GMDS: variants seen among roughly 807,000 people sequenced by gnomAD.
The protein encoded by GMDS is GDP-mannose 4,6-dehydratase.
GMDS carries 20 observed loss-of-function variants against 49.9 expected under a neutral mutation model. The ratio of observed to expected loss-of-function variants is 0.40; its 90% confidence interval spans 0.28 to 0.58. GMDS has a LOEUF of 0.58. Among genes scored for constraint, GMDS ranks in the 20% least tolerant of loss-of-function variants. The probability of loss-of-function intolerance (pLI) is 0.42; values close to 1 mark genes in which losing one functional copy is unlikely to be tolerated. For synonymous variants in GMDS, 177 were observed against 178.6 expected (o/e 0.99, Z 0.07); for missense variants, 362 against 481.4 (o/e 0.75, Z 2.32).
chr6:1,718,894 GTA>G (rs1766268641), intron 9 of GMDS, among the ~76,000 whole-genome samples: 1 of 151,832 alleles, frequency 6.6e-6, no homozygotes, highest in South Asian at 2.1e-4. Context: ...AAATATTCCT[GTA>G]ATAAATCCTA....
intron 8 of GMDS, among the ~76,000 whole-genome samples, chr6:1,737,500 AACACACAC>A (rs139626089): frequency 9.4e-4 from 140 of 148,264 alleles, no homozygotes; most frequent in South Asian, 2.4e-3. Context: ...CACACACACA[AACACACAC>A]ACACACACAC....
At chr6:1,919,388 T>C (rs1349014894) in intron 7 of GMDS, among the ~76,000 whole-genome samples, 1 of 152,258 alleles carries the variant, frequency 6.6e-6, no homozygotes, top group Non-Finnish European at 1.5e-5. Flanking sequence ...TTCATCCCTT[T>C]CTTTGAGAAC....
chr6:1,733,159 C>T (rs1180084114), intron 8 of GMDS, among the ~76,000 whole-genome samples: 1 of 152,228 alleles, frequency 6.6e-6, no homozygotes, highest in Non-Finnish European at 1.5e-5. Flanking sequence ...CCTGCACCAC[C>T]ACAGAAGCCA....
At chr6:1,846,074 A>ATGTTTCT (rs1757395058) in intron 7 of GMDS, among the ~76,000 whole-genome samples, 2 of 144,516 alleles carry the variant, frequency 1.4e-5, no homozygotes, top group African/African-American at 5.2e-5. Context: ...GCCAGACACC[A>ATGTTTCT]TGTTTCTTTT....
intron 4 of GMDS, among the ~76,000 whole-genome samples, chr6:2,080,648 G>A (rs998900182): frequency 9.2e-5 from 14 of 152,132 alleles, no homozygotes; most frequent in South Asian, 4.1e-4. Flanking sequence ...CTGTGGTAAC[G>A]TTTTGCTAGG....
At chr6:1,637,438 T>G (rs1763193790) in intron 9 of GMDS, among the ~76,000 whole-genome samples, 1 of 152,232 alleles carries the variant, frequency 6.6e-6, no homozygotes, top group Non-Finnish European at 1.5e-5. Flanking sequence ...CTCTCCCCCG[T>G]GAAGGCACGG....
rs569156951 is a variant in GMDS, at chr6:1,912,130, C to A, written c.771+17973G>T. On this transcript the variant is annotated intron_variant, in intron 7 of 10. Transcript: ENST00000380815. ...TCTCCAATCCCAGCACTTTGGGAGG[C>A]TGAGGCGGGTGGATCACCTGAGGTC... is the stretch of plus-strand genomic sequence containing the variant. 5.3e-5 allele frequency among the ~76,000 whole-genome samples: 8 copies of A among 152,264 alleles called. No homozygotes were observed. The South Asian group carries it at 1.7e-3, about 32-fold the overall frequency.
chr6:1,690,521 C>T (rs746672487), intron 9 of GMDS, among the ~76,000 whole-genome samples: 7 of 152,240 alleles, frequency 4.6e-5, no homozygotes, highest in Middle Eastern at 3.4e-3. Context: ...GAAGATCAGA[C>T]GGTTGTAGAC....
intron 9 of GMDS, among the ~76,000 whole-genome samples, chr6:1,725,060 G>A (rs1054761637): frequency 5.3e-5 from 8 of 152,186 alleles, no homozygotes; most frequent in Admixed American, 5.2e-4. Context: ...TCTCTTCACT[G>A]GGGTTTTCCT....
At chr6:1,877,044 G>C (rs1006003344) in intron 7 of GMDS, among the ~76,000 whole-genome samples, 5 of 152,202 alleles carry the variant, frequency 3.3e-5, no homozygotes, top group Non-Finnish European at 7.3e-5. Flanking sequence ...AGCAGGGTAA[G>C]ACTTTTTTCC....
At chr6:1,813,746 T>C (rs13191294) in intron 7 of GMDS, among the ~76,000 whole-genome samples, 2 of 152,206 alleles carry the variant, frequency 1.3e-5, no homozygotes, top group Non-Finnish European at 1.5e-5. Flanking sequence ...TACTGATTTG[T>C]GCTCATGTAT....
intron 1 of GMDS, among the ~76,000 whole-genome samples, chr6:2,232,091 T>C (rs1157010701): frequency 6.6e-6 from 1 of 151,962 alleles, no homozygotes; most frequent in Non-Finnish European, 1.5e-5. Context: ...GTCAAAAGTA[T>C]ATAATTTGGT....
At chr6:1,798,237 G>GCACA (rs70992103) in intron 7 of GMDS, among the ~76,000 whole-genome samples, 417 of 143,436 alleles carry the variant, frequency 2.9e-3, no homozygotes, top group African/African-American at 6.5e-3. Flanking sequence ...TAATTACAGA[G>GCACA]CACACACACA....
chr6:2,017,307 T>C (rs1405308369), intron 4 of GMDS, among the ~76,000 whole-genome samples: 1 of 151,286 alleles, frequency 6.6e-6, no homozygotes, highest in Non-Finnish European at 1.5e-5. Context: ...TTGATTCTTT[T>C]TATTTTTTTT....
chr6:2,028,436 C>A (rs1336363060), intron 4 of GMDS, among the ~76,000 whole-genome samples: 3 of 152,170 alleles, frequency 2.0e-5, no homozygotes, highest in African/African-American at 7.2e-5. Flanking sequence ...GAAAAAATGA[C>A]ACATTTCCAA....
intron 1 of GMDS, among the ~76,000 whole-genome samples, chr6:2,210,518 T>C (rs1780016083): frequency 6.6e-6 from 1 of 152,030 alleles, no homozygotes; most frequent in Non-Finnish European, 1.5e-5. Flanking sequence ...GACATGAGTA[T>C]GGGGTTCATT....
chr6:1,887,617 A>G (rs1380011216), intron 7 of GMDS, among the ~76,000 whole-genome samples: 1 of 152,154 alleles, frequency 6.6e-6, no homozygotes, highest in East Asian at 1.9e-4. Flanking sequence ...TTAAATCTTA[A>G]GATTTGCTCT....
intron 1 of GMDS, among the ~76,000 whole-genome samples, chr6:2,175,414 C>T (rs1415175940): frequency 2.0e-5 from 3 of 152,126 alleles, no homozygotes; most frequent in Admixed American, 6.6e-5. Flanking sequence ...TATGCCACCT[C>T]GGACTTGAGG....
intron 9 of GMDS, among the ~76,000 whole-genome samples, chr6:1,705,091 C>T (rs1297775101): frequency 1.3e-5 from 2 of 152,216 alleles, no homozygotes; most frequent in African/African-American, 4.8e-5. Context: ...GCGATGACTA[C>T]TGAACATTTT....
Sources: gnomAD v4.1 joint callset for allele counts (sites outside exome capture counted in the v4.1 genomes callset) on GRCh38, gnomAD v4.1.1 for gene constraint, MANE v1.5 for transcripts, NCBI Gene and HGNC (gene_info 2026-07-23, HGNC 2026-07-21) for gene names.